Variants in DCC observed in about 807,000 individuals in gnomAD.
The protein encoded by DCC is DCC netrin 1 receptor.
A neutral mutation model predicts 172.5 loss-of-function variants in DCC; 58 were observed. The observed-to-expected ratio is 0.34, with a 90% CI of 0.27 to 0.42. The LOEUF is 0.42. Ranked by LOEUF, DCC falls within the 10% of genes least tolerant of loss-of-function variation. The probability of loss-of-function intolerance (pLI) is 1.00; values close to 1 mark genes in which losing one functional copy is unlikely to be tolerated. For missense variants in DCC, 1,740 were observed against 1,791.0 expected, an observed-to-expected ratio of 0.97 and a Z score of 0.51; for synonymous variants, 709 against 644.5, an observed-to-expected ratio of 1.10 and a Z score of -1.52.
At chr18:53,321,290 T>C (rs1293807681) in intron 13 of DCC, among the ~76,000 whole-genome samples, 1 of 152,206 alleles carries the variant, frequency 6.6e-6, no homozygotes, top group African/African-American at 2.4e-5. Flanking sequence ...AAATGTCCTA[T>C]GGTCTTTTCA....
chr18:53,386,111 G>A lies in DCC; in HGVS notation c.2428G>A (p.Glu810Lys), dbSNP rs867121344. The change falls in exon 16 of 29, where the codon GAA becomes AAA. Residue 810 changes from glutamate to lysine, a missense_variant. Transcript: ENST00000442544. ...NNAGEGVPLY[E>K]SATTRSITDP... ...TGCCGGAGAAGGAGTTCCTCTTTAT[G>A]AAAGTGCCACCACCAGGTCTATAAC... is the stretch of plus-strand genomic sequence containing the variant. 1.2e-6 allele frequency: 2 copies of A among 1,612,274 alleles called. No homozygotes were observed. Among genetic ancestry groups the A allele is most frequent in the Admixed American group, 1.7e-5 (1 of 60,004 alleles).
chr18:53,535,667 G>A lies in DCC; in HGVS notation c.*5014G>A, dbSNP rs2046567303. 1 of 152,146 alleles carries A rather than the reference G, an allele frequency of 6.6e-6. No individual in the cohort carries two copies. The highest frequency in any genetic ancestry group is 1.5e-5 in the Non-Finnish European group (1 of 68,018). The allele number at this position is 152,146 out of a possible 1,614,324, so 9.4% of individuals were successfully genotyped here. ...CTTTAAACTGTCAGATTCTAGCATTGTTAACCAAATTAGACTAGTGATTGC... is the reference window on the plus strand; with the variant it reads ...CTTTAAACTGTCAGATTCTAGCATTATTAACCAAATTAGACTAGTGATTGC... On this transcript the variant is annotated 3_prime_UTR_variant, in exon 29 of 29. Transcript: ENST00000442544.
At chr18:52,438,800 C>T (rs1407750158) in intron 1 of DCC, among the ~76,000 whole-genome samples, 1 of 152,152 alleles carries the variant, frequency 6.6e-6, no homozygotes, top group Non-Finnish European at 1.5e-5. Context: ...AGACAATCTA[C>T]CACTAAAATT....
chr18:53,255,831 A>G (rs987324949), intron 12 of DCC, among the ~76,000 whole-genome samples: 1 of 152,166 alleles, frequency 6.6e-6, no homozygotes, highest in East Asian at 1.9e-4. Flanking sequence ...TTCCACCAAC[A>G]GTGTAAAACT....
rs916535520 is a variant in DCC, at chr18:53,402,888, T to C, written c.2930T>C (p.Ile977Thr). Residue 977 changes from isoleucine (I) to threonine (T), a missense_variant, in exon 19 of 29, where the codon ATT (isoleucine) becomes ACT (threonine). Ile to Thr is a moderately conservative substitution (Grantham distance 89). Around this residue, in one of 2 missense-constraint regions of DCC, gnomAD observed 1,732 missense variants for 1,767.4 expected, o/e 0.98. Coordinates refer to ENST00000442544, the MANE Select transcript of DCC (RefSeq NM_005215.4). Reference protein sequence around the residue: ...WQPPLEANGKITAYILFYTLD... With the variant: ...WQPPLEANGKTTAYILFYTLD... The stretch of plus-strand genomic sequence containing the variant: ...CCTCCCTTGGAAGCCAATGGGAAAA[T>C]TACTGGTAAGCATCTCCACTTTCTC... 1.9e-6 allele frequency: 3 copies of C among 1,609,606 alleles called. No individual in the cohort carries two copies. The African/African-American group carries it at 4.0e-5, about 22-fold the overall frequency.
intron 2 of DCC, among the ~76,000 whole-genome samples, chr18:52,866,434 A>G (rs572999196): frequency 2.0e-4 from 30 of 152,282 alleles, no homozygotes; most frequent in East Asian, 1.9e-4. Context: ...AAGAAAGTCA[A>G]TGGTTGCTTG....
At chr18:53,421,960 CAG>C (rs1296274423) in intron 21 of DCC, among the ~76,000 whole-genome samples, 4 of 152,108 alleles carry the variant, frequency 2.6e-5, no homozygotes, top group Non-Finnish European at 5.9e-5. Context: ...GAAAAAGAGA[CAG>C]AGAGGTTAAA....
At chr18:52,518,896 C>G (rs1809772558) in intron 1 of DCC, among the ~76,000 whole-genome samples, 2 of 152,182 alleles carry the variant, frequency 1.3e-5, no homozygotes, top group African/African-American at 2.4e-5. Flanking sequence ...TTACCCTTCT[C>G]TCAGGCAGAT....
intron 1 of DCC, among the ~76,000 whole-genome samples, chr18:52,401,090 A>G (rs1032968135): frequency 2.6e-5 from 4 of 152,000 alleles, no homozygotes; most frequent in Non-Finnish European, 4.4e-5. Flanking sequence ...GTATCCCAGA[A>G]CTTAAAGAAT....
At chr18:53,288,664 G>A (rs1347489735) in intron 12 of DCC, among the ~76,000 whole-genome samples, 1 of 152,050 alleles carries the variant, frequency 6.6e-6, no homozygotes, top group Non-Finnish European at 1.5e-5. Flanking sequence ...ATTAGATGCA[G>A]AACGATTACA....
At chr18:53,017,350 A>G (rs758807881) in intron 5 of DCC, among the ~76,000 whole-genome samples, 43 of 152,196 alleles carry the variant, frequency 2.8e-4, no homozygotes, top group Non-Finnish European at 4.6e-4. Flanking sequence ...TTAATATGCC[A>G]CTAGTCATTC....
At chr18:52,729,967 C>T (rs534676671) in intron 1 of DCC, among the ~76,000 whole-genome samples, 1 of 152,298 alleles carries the variant, frequency 6.6e-6, no homozygotes, top group Non-Finnish European at 1.5e-5. Context: ...TTCAGGTTTC[C>T]TGGCTTTCAT....
intron 11 of DCC, among the ~76,000 whole-genome samples, chr18:53,210,756 A>G (rs1046098185): frequency 1.3e-5 from 2 of 152,206 alleles, no homozygotes; most frequent in African/African-American, 4.8e-5. Flanking sequence ...TTAAAAAAGC[A>G]AAAGTTAAGT....
intron 7 of DCC, among the ~76,000 whole-genome samples, chr18:53,145,776 A>C (rs1568330628): frequency 6.6e-6 from 1 of 152,196 alleles, no homozygotes; most frequent in African/African-American, 2.4e-5. Context: ...GAAAGAAATA[A>C]ATAGAAAAAG....
chr18:53,009,183 A>C (rs571325063), intron 5 of DCC, among the ~76,000 whole-genome samples: 14 of 152,080 alleles, frequency 9.2e-5, no homozygotes, highest in African/African-American at 3.1e-4. Context: ...GTATTGAAGC[A>C]TGATGTCTTT....
intron 2 of DCC, among the ~76,000 whole-genome samples, chr18:52,775,541 G>A (rs2037414674): frequency 6.6e-6 from 1 of 152,228 alleles, no homozygotes; most frequent in Admixed American, 6.5e-5. Flanking sequence ...GGAGCCAGAA[G>A]GGAGATGGTT....
intron 1 of DCC, among the ~76,000 whole-genome samples, chr18:52,583,661 T>G (rs1246416073): frequency 6.6e-6 from 1 of 152,216 alleles, no homozygotes; most frequent in Non-Finnish European, 1.5e-5. Context: ...CTTTGAATGA[T>G]AATTTAGAAT....
intron 28 of DCC, among the ~76,000 whole-genome samples, chr18:53,527,598 A>AGAC (rs1252972890): frequency 6.6e-6 from 1 of 152,042 alleles, no homozygotes; most frequent in African/African-American, 2.4e-5. Flanking sequence ...GTTTATTTAA[A>AGAC]GACAGAAAAA....
At chr18:52,435,548 T>C (rs1265370187) in intron 1 of DCC, among the ~76,000 whole-genome samples, 1 of 152,206 alleles carries the variant, frequency 6.6e-6, no homozygotes, top group Non-Finnish European at 1.5e-5. Context: ...CTCACCCAGC[T>C]CTGACTGGTT....
Sources: allele counts gnomAD v4.1 joint callset (sites outside exome capture counted in the v4.1 genomes callset), GRCh38; gene constraint gnomAD v4.1.1; regional missense constraint gnomAD v4.1.1; transcripts MANE v1.5; gene names NCBI Gene and HGNC (gene_info 2026-07-23, HGNC 2026-07-21).